The following PREX1 variants were observed in gnomAD, a reference collection of about 807,000 sequenced individuals.
The protein encoded by PREX1 is phosphatidylinositol-3,4,5-trisphosphate dependent Rac exchange factor 1.
A neutral mutation model predicts 198.3 loss-of-function variants in PREX1; 41 were observed. The ratio of observed to expected loss-of-function variants is 0.21; its 90% CI spans 0.16 to 0.27. The LOEUF (loss-of-function observed/expected upper bound fraction) is 0.27. Among genes scored for constraint, PREX1 ranks in the 10% least tolerant of loss-of-function variants. The pLI is 1.00. For synonymous variants in PREX1, 843 were observed against 887.2 expected, an observed-to-expected ratio of 0.95 and a Z score of 0.89; for missense variants, 1,620 against 2,200.7, an observed-to-expected ratio of 0.74 and a Z score of 5.28.
intron 6 of PREX1, among the ~76,000 whole-genome samples, chr20:48,702,337 T>A (rs968054517): frequency 2.2e-4 from 34 of 152,026 alleles, no homozygotes; most frequent in African/African-American, 8.2e-4. Context: ...GGCAGAGAGA[T>A]CCCAAAGTCC....
At chr20:48,839,048 G>C in the PREX1 span, among the ~76,000 whole-genome samples, 1 of 111,766 alleles carries the variant, frequency 8.9e-6, no homozygotes, top group Admixed American at 8.9e-5. Context: ...AAAATAACAA[G>C]AGTAGTTACA....
At chr20:48,854,104 G>C in the PREX1 span, among the ~76,000 whole-genome samples, 1 of 152,200 alleles carries the variant, frequency 6.6e-6, no homozygotes, top group Non-Finnish European at 1.5e-5. Flanking sequence ...TCACCATCGG[G>C]TCCAGCTGCT....
rs557664634 is a variant in PREX1, at chr20:48,691,634, C to T, written c.1037-538G>A. Among the ~76,000 whole-genome samples, 3 of 152,298 alleles carry T rather than the reference C, an allele frequency of 2.0e-5. No homozygotes were observed. The highest frequency in any genetic ancestry group is 3.9e-4 in the East Asian group (2 of 5,182). On this transcript the variant is annotated intron_variant, in intron 8 of 39. Coordinates refer to ENST00000371941, the MANE Select transcript of PREX1 (RefSeq NM_020820.4). The surrounding 1 kb of genome is among the most constrained non-coding windows in gnomAD (Gnocchi z 5.0). ...TGTGGCTCAAAACCAAGCAAGAACC[C>T]CTGCTCTGGACAAGCTCAAAAGCAC...
intron 3 of PREX1, among the ~76,000 whole-genome samples, chr20:48,741,902 G>A (rs2090083908): frequency 6.6e-6 from 1 of 152,198 alleles, no homozygotes; most frequent in African/African-American, 2.4e-5. Context: ...TGTGGCTAGA[G>A]CCAGGGGAGC....
intron 1 of PREX1, among the ~76,000 whole-genome samples, chr20:48,788,047 C>T (rs190032244): frequency 6.6e-6 from 1 of 152,342 alleles, no homozygotes; most frequent in African/African-American, 2.4e-5. Context: ...GAATCAGCCA[C>T]ATCCAGCCCT....
chr20:48,702,715 C>T (rs920073538), intron 6 of PREX1, among the ~76,000 whole-genome samples: 13 of 152,250 alleles, frequency 8.5e-5, no homozygotes, highest in African/African-American at 2.9e-4. Flanking sequence ...CTGCCCACCC[C>T]AGTCTGACTG....
intron 1 of PREX1, among the ~76,000 whole-genome samples, chr20:48,766,667 C>T (rs1568856384): frequency 6.6e-6 from 1 of 152,206 alleles, no homozygotes; most frequent in East Asian, 1.9e-4. Context: ...CATGCATAGG[C>T]TCCCATACTT....
In PREX1 at chr20:48,810,578, C is replaced by A. The variant is rs574635237; in HGVS notation, c.219+17064G>T. On this transcript the variant is annotated intron_variant, in intron 1 of 39. Coordinates refer to ENST00000371941, the MANE Select transcript of PREX1 (RefSeq NM_020820.4). The stretch of plus-strand genomic sequence containing the variant: ...GCCTGGGCAGCAAGGCAAGATCTCA[C>A]CTCAATTAAAAAAAAAAAAAAAAAA... Among the ~76,000 whole-genome samples the A allele has an allele frequency of 6.2e-5, 8 of 128,182 alleles. No individual in the cohort carries two copies. The South Asian group carries it at 2.1e-3, about 33-fold the overall frequency. The allele number at this position is 128,182 out of a possible 152,430, so 84.1% of individuals were successfully genotyped here. A position where few individuals can be genotyped will look rare whatever the true frequency, so the allele number is the denominator to read the frequency against.
intron 1 of PREX1, among the ~76,000 whole-genome samples, chr20:48,798,903 T>A (rs2090374223): frequency 6.6e-6 from 1 of 151,800 alleles, no homozygotes; most frequent in African/African-American, 2.4e-5. Context: ...ATTAAATAAC[T>A]TTTTTCTTTT....
At chr20:48,626,596 C>T (rs115456000) in intron 39 of PREX1, among the ~76,000 whole-genome samples, 8 of 152,308 alleles carry the variant, frequency 5.3e-5, no homozygotes, top group African/African-American at 1.9e-4. Context: ...TGGCACAGGG[C>T]AAAGGCCGTG....
chr20:48,738,624 G>C (rs1247921492), intron 3 of PREX1, among the ~76,000 whole-genome samples: 1 of 152,208 alleles, frequency 6.6e-6, no homozygotes, highest in Admixed American at 6.5e-5. Context: ...GGAAGAAACG[G>C]ACAAACAGTT....
intron 29 of PREX1, among the ~76,000 whole-genome samples, chr20:48,641,924 GAGGGA>G (rs1439594349): frequency 6.9e-6 from 1 of 144,532 alleles, no homozygotes; most frequent in Admixed American, 7.0e-5. Flanking sequence ...AACAGGAGGG[GAGGGA>G]AGGGGAGGGG....
chr20:48,712,448 G>A (rs2123097165), intron 5 of PREX1, among the ~76,000 whole-genome samples: 1 of 152,270 alleles, frequency 6.6e-6, no homozygotes. Context: ...ATGGGTCCAT[G>A]GCACCCCTCT....
At chr20:48,876,094 G>A in the PREX1 span, among the ~76,000 whole-genome samples, 3 of 152,088 alleles carry the variant, frequency 2.0e-5, no homozygotes, top group Admixed American at 6.6e-5. Context: ...TGAGTCATTG[G>A]GGCCCTTCCT....
chr20:48,805,843 C>T (rs1262946243), intron 1 of PREX1, among the ~76,000 whole-genome samples: 1 of 152,214 alleles, frequency 6.6e-6, no homozygotes, highest in Non-Finnish European at 1.5e-5. Context: ...AGACTTAGAA[C>T]CAGCTGTAAC....
Position 48,627,545 on chromosome 20 carries a change from C to T in PREX1, c.4937+3G>A. 1.2e-6 allele frequency: 2 copies of T among 1,613,944 alleles called. No homozygotes were observed. The highest frequency in any genetic ancestry group is 1.7e-6 in the Non-Finnish European group (2 of 1,179,960). ...GGAAGGGGCGGACGAGGCAGCCACT[C>T]ACCGCGGAGCACCCTGGGGCATCTG... On this transcript the variant is annotated splice_donor_region_variant and intron_variant, in intron 39 of 39. Coordinates refer to ENST00000371941, the MANE Select transcript of PREX1 (RefSeq NM_020820.4).
At chr20:48,760,548 G>A (rs2090174815) in intron 1 of PREX1, among the ~76,000 whole-genome samples, 1 of 152,098 alleles carries the variant, frequency 6.6e-6, no homozygotes, top group Non-Finnish European at 1.5e-5. Context: ...AGGGGGGGAG[G>A]AGTAGTTGTT....
chr20:48,653,063 C>T (rs1391533194), intron 20 of PREX1, among the ~76,000 whole-genome samples: 1 of 152,188 alleles, frequency 6.6e-6, no homozygotes, highest in Non-Finnish European at 1.5e-5. Flanking sequence ...TATCCACTTT[C>T]CCAACCCACT....
At chr20:48,769,567 G>A (rs918372997) in intron 1 of PREX1, among the ~76,000 whole-genome samples, 2 of 152,100 alleles carry the variant, frequency 1.3e-5, no homozygotes, top group East Asian at 1.9e-4. Context: ...CACCTCCTAC[G>A]CAACTCCCTT....
Sources: allele counts gnomAD v4.1 joint callset (sites outside exome capture counted in the v4.1 genomes callset), GRCh38; gene constraint gnomAD v4.1.1; non-coding constraint Gnocchi (gnomAD v3.1); transcripts MANE v1.5; gene names NCBI Gene and HGNC (gene_info 2026-07-23, HGNC 2026-07-21).